The following SBK1 variants were observed in gnomAD, a reference collection of about 807,000 sequenced individuals.
The protein encoded by SBK1 is SH3 domain binding kinase 1, also known as serine/threonine-protein kinase SBK1.
A neutral mutation model predicts 24.4 loss-of-function variants in SBK1; 11 were observed. The observed-to-expected ratio is 0.45, with a 90% CI of 0.28 to 0.75. The LOEUF is 0.75. Ranked by LOEUF, SBK1 falls within the 30% of genes least tolerant of loss-of-function variation. The pLI, the probability that SBK1 is intolerant of heterozygous loss-of-function variation, is 0.12. For synonymous variants in SBK1, 308 were observed against 284.4 expected (o/e 1.08, Z -0.83); for missense variants, 467 against 620.5 (o/e 0.75, Z 2.63).
At chr16:28,311,251 C>T (rs1413050266) in intron 1 of SBK1, among the ~76,000 whole-genome samples, 3 of 152,040 alleles carry the variant, frequency 2.0e-5, no homozygotes, top group Non-Finnish European at 4.4e-5. Context: ...CAACAAGGGC[C>T]CTGAGAGAGG....
chr16:28,292,523 G>T, upstream of SBK1: 2 of 979,086 alleles, frequency 2.0e-6, no homozygotes. Flanking sequence ...GGGCGGAGCC[G>T]CGATGCCGCG....
chr16:28,316,390 G>A (rs569153060), intron 1 of SBK1, among the ~76,000 whole-genome samples: 1 of 152,294 alleles, frequency 6.6e-6, no homozygotes, highest in South Asian at 2.1e-4. Flanking sequence ...GCCCCATGGT[G>A]GCAGGGAATC....
At chr16:28,315,694 G>A (rs2044790055) in intron 1 of SBK1, among the ~76,000 whole-genome samples, 1 of 152,200 alleles carries the variant, frequency 6.6e-6, no homozygotes, top group African/African-American at 2.4e-5. Flanking sequence ...CCAGGAGTTC[G>A]AGGCTGCAGT....
chr16:28,292,708 T>C lies in SBK1; in HGVS notation c.-600T>C. On this transcript the variant is annotated 5_prime_UTR_variant, in exon 1 of 4. Coordinates refer to ENST00000341901, the MANE Select transcript of SBK1 (RefSeq NM_001024401.3). ...CTGAGGGGCTTCCAGCGCCCGCCGG[T>C]GGCCGGGACCCACTAAAGCCCCCGC... 1.0e-6 allele frequency: 1 copy of C among 983,512 alleles called. No individual in the cohort carries two copies. The highest frequency in any genetic ancestry group is 1.2e-6 in the Non-Finnish European group (1 of 829,010). The allele number at this position is 983,512 out of a possible 1,614,324, so 60.9% of individuals were successfully genotyped here. A position where few individuals can be genotyped will look rare whatever the true frequency, so the allele number is the denominator to read the frequency against.
intron 1 of SBK1, among the ~76,000 whole-genome samples, chr16:28,269,768 C>T (rs977000954): frequency 6.6e-6 from 1 of 151,690 alleles, no homozygotes; most frequent in African/African-American, 2.4e-5. Flanking sequence ...CCCAGCTACT[C>T]TCAAGGCTGA....
chr16:28,317,655 G>A lies in SBK1; in HGVS notation c.226+38G>A, dbSNP rs2044807828. ...AGGGTGGCAGGGCTGAGAGGTTGGGGTGGGGCAGGGCTGGGAGGTCAGGGT... is the reference window on the plus strand; with the variant it reads ...AGGGTGGCAGGGCTGAGAGGTTGGGATGGGGCAGGGCTGGGAGGTCAGGGT... On this transcript the variant is annotated intron_variant, in intron 2 of 3. Transcript: ENST00000341901. The surrounding 1 kb of genome is among the most constrained non-coding windows in gnomAD (Gnocchi z 4.2). 19 of 1,402,298 alleles carry A rather than the reference G, an allele frequency of 1.4e-5. No homozygotes were observed. The highest frequency in any genetic ancestry group is 1.8e-5 in the Non-Finnish European group (18 of 988,288). 86.9% of individuals were successfully genotyped at this position (1,402,298 alleles called of 1,614,324 possible).
At position 28,319,261 on chromosome 16, in the gene SBK1, A is replaced by T; in HGVS notation, c.429+64A>T. On this transcript the variant is annotated intron_variant, in intron 3 of 3. Coordinates refer to ENST00000341901, the MANE Select transcript of SBK1 (RefSeq NM_001024401.3). This position sits in a 1 kb window ranked among gnomAD's most constrained non-coding sequence, Gnocchi z 4.0. ...CAGGGTCCCAGAGTGTGAGAGTGGG[A>T]GTGGAGTCAGACCATTTAATTAACA... 1.6e-6 allele frequency: 2 copies of T among 1,260,236 alleles called. No homozygotes were observed. The highest frequency in any genetic ancestry group is 2.4e-5 in the South Asian group (2 of 83,006). 78.1% of individuals were successfully genotyped at this position (1,260,236 alleles called of 1,614,324 possible). A position where few individuals can be genotyped will look rare whatever the true frequency, so the allele number is the denominator to read the frequency against.
intron 1 of SBK1, among the ~76,000 whole-genome samples, chr16:28,280,021 G>T (rs1461153153): frequency 6.8e-6 from 1 of 147,430 alleles, no homozygotes; most frequent in Admixed American, 7.0e-5. Context: ...TTGCTCTATT[G>T]ACCACGCTGG....
At chr16:28,315,297 G>C (rs190000370) in intron 1 of SBK1, among the ~76,000 whole-genome samples, 2 of 152,164 alleles carry the variant, frequency 1.3e-5, no homozygotes, top group Non-Finnish European at 2.9e-5. Flanking sequence ...TCGTGGTCTC[G>C]ACGGCAGGGA....
chr16:28,309,339 C>T (rs1413549760), intron 1 of SBK1, among the ~76,000 whole-genome samples: 2 of 152,186 alleles, frequency 1.3e-5, no homozygotes, highest in Non-Finnish European at 1.5e-5. Flanking sequence ...CAACGTGGTT[C>T]CCTGCTGGAT....
Position 28,321,964 on chromosome 16 carries a change from G to A in SBK1, c.*1043G>A, listed in dbSNP as rs112395621. ...GGTTCGTGCTGGAAATTTCTCCTGG[G>A]TTTCTTGGGGTCAAACATGCCAACC... On this transcript the variant is annotated 3_prime_UTR_variant, in exon 4 of 4. Transcript: ENST00000341901. The A allele has an allele frequency of 0.011, 1,605 of 152,496 alleles. 19 individuals carry two copies. Among genetic ancestry groups the A allele is most frequent in the Non-Finnish European group, 0.018 (1,210 of 68,114 alleles). 9.4% of individuals were successfully genotyped at this position (152,496 alleles called of 1,614,324 possible). A position where few individuals can be genotyped will look rare whatever the true frequency, so the allele number is the denominator to read the frequency against.
intron 1 of SBK1, among the ~76,000 whole-genome samples, chr16:28,276,858 G>T (rs1296155730): frequency 6.6e-6 from 1 of 151,998 alleles, no homozygotes; most frequent in Non-Finnish European, 1.5e-5. Context: ...TAGAGACAAG[G>T]TTTCACCGTG....
At chr16:28,272,737 T>A (rs2044474076) in intron 1 of SBK1, among the ~76,000 whole-genome samples, 1 of 149,012 alleles carries the variant, frequency 6.7e-6, no homozygotes, top group Non-Finnish European at 1.5e-5. Context: ...TTCTTCTGCC[T>A]CAGCCCCCTG....
chr16:28,287,778 C>T (rs1324865081), upstream of SBK1, among the ~76,000 whole-genome samples: 1 of 152,176 alleles, frequency 6.6e-6, no homozygotes, highest in Non-Finnish European at 1.5e-5. Context: ...ATTCTTGGGC[C>T]TCAGCTTCCC....
chr16:28,281,316 C>T (rs976524932), intron 1 of SBK1, among the ~76,000 whole-genome samples: 1 of 152,168 alleles, frequency 6.6e-6, no homozygotes, highest in Admixed American at 6.5e-5. Context: ...AGCCTGCCTC[C>T]TCCGGGCCAG....
intron 2 of SBK1, among the ~76,000 whole-genome samples, chr16:28,318,533 GAC>G (rs1339660372): frequency 6.6e-6 from 1 of 152,238 alleles, no homozygotes; most frequent in African/African-American, 2.4e-5. Flanking sequence ...ATGCTCCGTG[GAC>G]ACACATGTGT....
At chr16:28,270,523 C>T (rs1223688603) in intron 1 of SBK1, among the ~76,000 whole-genome samples, 2 of 151,752 alleles carry the variant, frequency 1.3e-5, no homozygotes, top group African/African-American at 2.4e-5. Context: ...CCTCCTGAGC[C>T]CAAATGATCC....
chr16:28,307,566 C>T (rs2141584624), intron 1 of SBK1, among the ~76,000 whole-genome samples: 1 of 152,004 alleles, frequency 6.6e-6, no homozygotes, highest in Non-Finnish European at 1.5e-5. Flanking sequence ...ATGGTGAAAC[C>T]TCATCTCTAC....
At chr16:28,288,767 G>A (rs1017995949), upstream of SBK1, among the ~76,000 whole-genome samples, 3 of 152,158 alleles carry the variant, frequency 2.0e-5, no homozygotes, top group Non-Finnish European at 4.4e-5. Flanking sequence ...GTGCAGCCAT[G>A]CTGGTGCCCT....
Sources: gnomAD v4.1 joint callset for allele counts (sites outside exome capture counted in the v4.1 genomes callset) on GRCh38, gnomAD v4.1.1 for gene constraint, Gnocchi (gnomAD v3.1) non-coding constraint, MANE v1.5 for transcripts, NCBI Gene and HGNC (gene_info 2026-07-23, HGNC 2026-07-21) for gene names.